Variants in GRM8 observed in about 807,000 individuals in gnomAD.
GRM8 encodes glutamate metabotropic receptor 8, also known as metabotropic glutamate receptor 8.
A neutral mutation model predicts 87.2 loss-of-function variants in GRM8; 47 were observed. The observed-to-expected ratio is 0.54, with a 90% CI of 0.43 to 0.69. GRM8 has a LOEUF of 0.69. Among genes scored for constraint, GRM8 ranks in the 30% least tolerant of loss-of-function variants. GRM8 has a pLI of 0.00. For synonymous variants in GRM8, 396 were observed against 404.5 expected, an observed-to-expected ratio of 0.98 and a Z score of 0.25; for missense variants, 1,019 against 1,139.2, an observed-to-expected ratio of 0.89 and a Z score of 1.52.
chr7:126,929,598 T>C (rs565128229), intron 3 of GRM8, among the ~76,000 whole-genome samples: 1 of 152,174 alleles, frequency 6.6e-6, no homozygotes, highest in South Asian at 2.1e-4. Flanking sequence ...TATGCCTGGC[T>C]AATTTTTATA....
chr7:126,941,443 TA>T (rs11453714), intron 3 of GRM8, among the ~76,000 whole-genome samples: 21,236 of 128,766 alleles, frequency 0.16, 1,760 homozygotes, highest in Non-Finnish European at 0.21. Context: ...CCATCTCTAC[TA>T]AAAAAAAAAA....
chr7:126,531,733 T>C (rs1814851995), intron 9 of GRM8, among the ~76,000 whole-genome samples: 1 of 152,230 alleles, frequency 6.6e-6, no homozygotes, highest in African/African-American at 2.4e-5. Flanking sequence ...GTACATTATT[T>C]GTCCAAAAAT....
intron 6 of GRM8, among the ~76,000 whole-genome samples, chr7:126,829,128 G>T (rs1422321467): frequency 1.3e-5 from 2 of 150,014 alleles, no homozygotes; most frequent in African/African-American, 2.5e-5. Flanking sequence ...CCAACTATGC[G>T]GTCAATTTTG....
chr7:126,581,863 A>G (rs1795644233), intron 8 of GRM8, among the ~76,000 whole-genome samples: 1 of 152,138 alleles, frequency 6.6e-6, no homozygotes, highest in South Asian at 2.1e-4. Context: ...CTACACCTAT[A>G]TAAGTCAACA....
At chr7:127,106,374 G>A (rs911499355) in intron 3 of GRM8, 122 bp downstream of exon 3, 4 of 741,726 alleles carry the variant, frequency 5.4e-6, no homozygotes, top group Non-Finnish European at 9.3e-6. Context: ...AGAGTGGACA[G>A]CCTAGTTCAT....
chr7:127,151,898 C>G (rs1158684841), intron 2 of GRM8, among the ~76,000 whole-genome samples: 2 of 152,086 alleles, frequency 1.3e-5, no homozygotes, highest in African/African-American at 4.8e-5. Context: ...GTAGGTTTCT[C>G]TTTTGCATTC....
intron 3 of GRM8, among the ~76,000 whole-genome samples, chr7:127,039,259 A>C (rs1217230800): frequency 6.6e-6 from 1 of 152,188 alleles, no homozygotes; most frequent in Non-Finnish European, 1.5e-5. Context: ...AAATGCAGTC[A>C]TTATGACGGG....
intron 9 of GRM8, among the ~76,000 whole-genome samples, chr7:126,488,951 G>C (rs1807683072): frequency 6.6e-6 from 1 of 151,496 alleles, no homozygotes; most frequent in South Asian, 2.1e-4. Context: ...CTTCTACTTT[G>C]GGTAACTAAT....
chr7:127,167,181 AAAC>A (rs1793506231), intron 2 of GRM8, among the ~76,000 whole-genome samples: 4 of 152,168 alleles, frequency 2.6e-5, no homozygotes, highest in Non-Finnish European at 4.4e-5. Flanking sequence ...CAAACATAAC[AAAC>A]ACTTTATACA....
At chr7:127,017,418 T>C (rs17865133) in intron 3 of GRM8, among the ~76,000 whole-genome samples, 2,135 of 152,130 alleles carry the variant, frequency 0.014, 47 homozygotes, top group African/African-American at 0.048. Context: ...ACCCTACACG[T>C]TGTACTCCTA....
At chr7:127,079,753 GC>G (rs1822653993) in intron 3 of GRM8, among the ~76,000 whole-genome samples, 2 of 152,150 alleles carry the variant, frequency 1.3e-5, no homozygotes, top group African/African-American at 4.8e-5. Context: ...CCCTGCCAGA[GC>G]CCAACTGGTG....
chr7:126,892,835 G>T (rs1237450175), intron 6 of GRM8, among the ~76,000 whole-genome samples: 1 of 152,094 alleles, frequency 6.6e-6, no homozygotes, highest in Admixed American at 6.6e-5. Flanking sequence ...CATTCTAACT[G>T]GTGTGAGATG....
intron 2 of GRM8, among the ~76,000 whole-genome samples, chr7:127,127,936 T>C (rs1174940080): frequency 6.6e-6 from 1 of 152,084 alleles, no homozygotes; most frequent in Non-Finnish European, 1.5e-5. Flanking sequence ...GTTCATGCAA[T>C]CACTATATTC....
At chr7:126,618,893 T>C (rs1585244824) in intron 7 of GRM8, among the ~76,000 whole-genome samples, 2 of 152,328 alleles carry the variant, frequency 1.3e-5, no homozygotes, top group African/African-American at 4.8e-5. Flanking sequence ...GGAGAGGATG[T>C]GGAGAAACAG....
Position 126,902,563 on chromosome 7 carries a change from T to C in GRM8, c.1135A>G (p.Ser379Gly). The C allele has an allele frequency of 6.2e-7, 1 of 1,606,810 alleles. No homozygotes were observed. The highest frequency in any genetic ancestry group is 8.5e-7 in the Non-Finnish European group (1 of 1,177,046). The change falls in exon 6 of 11, where the codon AGT becomes GGT. Residue 379 changes from serine (S) to glycine (G), a missense_variant. Ser to Gly is a moderately conservative substitution (Grantham distance 56, BLOSUM62 0). Coordinates refer to ENST00000339582, the MANE Select transcript of GRM8 (RefSeq NM_000845.3). ...CKLGSHGKRN[S>G]HIKKCTGLER... Reference sequence around the variant, plus strand: ...TTACCTGTGCATTTCTTTATATGACTGTTCCTTTTCCCATGTGATCCTAAC... The same window carrying C: ...TTACCTGTGCATTTCTTTATATGACCGTTCCTTTTCCCATGTGATCCTAAC...
At chr7:127,022,208 C>T (rs1035131634) in intron 3 of GRM8, among the ~76,000 whole-genome samples, 2 of 150,952 alleles carry the variant, frequency 1.3e-5, no homozygotes, top group African/African-American at 4.9e-5. Flanking sequence ...ATTATGGCAG[C>T]ACAGGTCACT....
chr7:126,964,101 C>G (rs1348169910), intron 3 of GRM8, among the ~76,000 whole-genome samples: 1 of 152,170 alleles, frequency 6.6e-6, no homozygotes, highest in African/African-American at 2.4e-5. Flanking sequence ...GCTGGGAAAA[C>G]TGGCTAGCCA....
intron 7 of GRM8, among the ~76,000 whole-genome samples, chr7:126,699,496 C>CA (rs925681414): frequency 1.6e-4 from 25 of 152,160 alleles, no homozygotes; most frequent in Middle Eastern, 3.4e-3. Flanking sequence ...CTCTGACAGA[C>CA]AAAAAAATCC....
chr7:127,175,043 T>C (rs1043385408), intron 2 of GRM8, among the ~76,000 whole-genome samples: 1 of 152,154 alleles, frequency 6.6e-6, no homozygotes, highest in Non-Finnish European at 1.5e-5. Flanking sequence ...CCCTATTTGA[T>C]ATAATTTTAC....
Sources: allele counts gnomAD v4.1 joint callset (sites outside exome capture counted in the v4.1 genomes callset), GRCh38; gene constraint gnomAD v4.1.1; transcripts MANE v1.5; gene names NCBI Gene and HGNC (gene_info 2026-07-23, HGNC 2026-07-21).